The following MOCOS variants were observed in gnomAD, a reference collection of about 807,000 sequenced individuals.
MOCOS encodes molybdenum cofactor sulfurase, also known as human molybdenum cofactor sulfurase.
A neutral mutation model predicts 83.6 loss-of-function variants in MOCOS; 86 were observed. The ratio of observed to expected loss-of-function variants is 1.03; its 90% CI spans 0.86 to 1.23. MOCOS has a LOEUF of 1.23. MOCOS is among the 50% of genes most tolerant of loss of function. The pLI, the probability that MOCOS is intolerant of heterozygous loss-of-function variation, is 0.00. For synonymous variants in MOCOS, 445 were observed against 434.7 expected (o/e 1.02, Z -0.29); for missense variants, 1,120 against 1,126.9 (o/e 0.99, Z 0.09).
intron 11 of MOCOS, among the ~76,000 whole-genome samples, chr18:36,254,411 CACA>C (rs2091633301): frequency 6.7e-6 from 1 of 149,732 alleles, no homozygotes; most frequent in Non-Finnish European, 1.5e-5. Flanking sequence ...TTTTTTAAAC[CACA>C]ACAATTTGAA....
At chr18:36,216,370 G>A (rs112949856) in intron 8 of MOCOS, among the ~76,000 whole-genome samples, 2 of 152,286 alleles carry the variant, frequency 1.3e-5, no homozygotes, top group African/African-American at 4.8e-5. Flanking sequence ...TTGAGGTTAA[G>A]CACTTTGCCC....
Position 36,215,993 on chromosome 18 carries a change from G to C in MOCOS, c.1797+16G>C. The stretch of plus-strand genomic sequence containing the variant: ...TGCATTTGAGGTAAGGAATTTCACA[G>C]CAGCACAGAAAGTCTTCTCTTTGTT... On this transcript the variant is annotated intron_variant, in intron 8 of 14. Transcript: ENST00000261326. 1 of 1,602,794 alleles carries C rather than the reference G, an allele frequency of 6.2e-7. No individual in the cohort carries two copies. Among genetic ancestry groups the C allele is most frequent in the Non-Finnish European group, 8.5e-7 (1 of 1,173,728 alleles).
At chr18:36,240,421 G>A (rs2091576933) in intron 9 of MOCOS, among the ~76,000 whole-genome samples, 1 of 150,504 alleles carries the variant, frequency 6.6e-6, no homozygotes, top group Admixed American at 6.6e-5. Flanking sequence ...GCCCCTGCTG[G>A]GGGGTGCCTC....
chr18:36,250,118 A>G (rs1280452757), intron 10 of MOCOS, among the ~76,000 whole-genome samples: 1 of 152,196 alleles, frequency 6.6e-6, no homozygotes, highest in African/African-American at 2.4e-5. Flanking sequence ...ATCCTATCTT[A>G]AGCCCCAACC....
At position 36,187,656 on chromosome 18, in the gene MOCOS, G is replaced by A; in HGVS notation, c.117G>A (p.Arg39=). 1 of 1,256,618 alleles carries A rather than the reference G, an allele frequency of 8.0e-7. No homozygotes were observed. Among genetic ancestry groups the A allele is most frequent in the Non-Finnish European group, 1.0e-6 (1 of 1,000,702 alleles). The allele number at this position is 1,256,618 out of a possible 1,614,324, so 77.8% of individuals were successfully genotyped here. The change falls in exon 1 of 15, where the codon CGG becomes CGA. Residue 39 remains arginine (R), a synonymous_variant. Coordinates refer to ENST00000261326, the MANE Select transcript of MOCOS (RefSeq NM_017947.4). ...GYGPGSLREL[R]AREFSRLAGT... ...GCCCGGGCAGCCTGCGCGAGCTGCG[G>A]GCGCGCGAGTTCAGCCGCCTGGCAG...
chr18:36,203,208 C>T lies in MOCOS; in HGVS notation c.1018+19C>T, dbSNP rs1455269575. On this transcript the variant is annotated intron_variant, in intron 5 of 14. Coordinates refer to ENST00000261326, the MANE Select transcript of MOCOS (RefSeq NM_017947.4). ...CTCACAGGTCAGTGGACATTTCTAT[C>T]CCTGTGGAATTTGCTCCTGTTGTGT... 1 of 1,609,658 alleles carries T rather than the reference C, an allele frequency of 6.2e-7. No homozygotes were observed. Among genetic ancestry groups the T allele is most frequent in the Non-Finnish European group, 8.5e-7 (1 of 1,175,952 alleles).
In MOCOS at chr18:36,268,515, T is replaced by C. The variant is rs750198017; in HGVS notation, c.2515-18T>C. 5.0e-6 allele frequency: 8 copies of C among 1,614,048 alleles called. No individual in the cohort carries two copies. Among genetic ancestry groups the C allele is most frequent in the African/African-American group, 1.3e-5 (1 of 74,940 alleles). ...AATAATCTAGCCTTTTTTGTTGTTG[T>C]TGCTGTTTTGTTCACAGGTGAACTT... is the stretch of plus-strand genomic sequence containing the variant. On this transcript the variant is annotated intron_variant, in intron 14 of 14. Transcript: ENST00000261326.
At chr18:36,257,780 A>G (rs1453417290) in intron 12 of MOCOS, among the ~76,000 whole-genome samples, 5 of 152,188 alleles carry the variant, frequency 3.3e-5, no homozygotes, top group Non-Finnish European at 7.3e-5. Flanking sequence ...GAGTGTTGTT[A>G]GTGGCTCACC....
chr18:36,216,109 CT>C, intron 8 of MOCOS, 132 bp downstream of exon 8: 1 of 964,032 alleles, frequency 1.0e-6, no homozygotes, highest in Non-Finnish European at 1.5e-6. Flanking sequence ...GCCATTCTCA[CT>C]CTCCCTTTCT....
chr18:36,204,442 C>A (rs1245194144), intron 5 of MOCOS, among the ~76,000 whole-genome samples: 1 of 152,096 alleles, frequency 6.6e-6, no homozygotes, highest in South Asian at 2.1e-4. Context: ...ATAATAAAAA[C>A]AAACAGCAAA....
At chr18:36,243,323 C>T (rs527665051) in intron 9 of MOCOS, among the ~76,000 whole-genome samples, 6 of 152,136 alleles carry the variant, frequency 3.9e-5, no homozygotes, top group East Asian at 1.9e-4. Context: ...AATCATAAAG[C>T]GTTGCTGGAT....
chr18:36,243,971 TTC>T (rs2091593621), intron 9 of MOCOS, among the ~76,000 whole-genome samples: 1 of 152,156 alleles, frequency 6.6e-6, no homozygotes, highest in Non-Finnish European at 1.5e-5. Context: ...TATTGCCCAT[TTC>T]ATTTCTAATT....
intron 11 of MOCOS, among the ~76,000 whole-genome samples, chr18:36,254,023 G>A (rs888597649): frequency 6.6e-6 from 1 of 152,150 alleles, no homozygotes; most frequent in South Asian, 2.1e-4. Flanking sequence ...GGGAGATGGG[G>A]CCTTGGTGGA....
At chr18:36,198,818 A>C (rs1250067031) in intron 3 of MOCOS, 62 bp downstream of exon 3, 3 of 1,555,604 alleles carry the variant, frequency 1.9e-6, no homozygotes, top group Non-Finnish European at 2.7e-6. Context: ...CCTTCCTAGG[A>C]CTTGCCTGCA....
At chr18:36,188,967 C>T (rs983076246) in intron 1 of MOCOS, among the ~76,000 whole-genome samples, 1 of 151,976 alleles carries the variant, frequency 6.6e-6, no homozygotes, top group Non-Finnish European at 1.5e-5. Context: ...TTTCCTACCA[C>T]TCAGAAATAG....
intron 6 of MOCOS, among the ~76,000 whole-genome samples, chr18:36,207,436 T>C (rs2144908622): frequency 6.6e-6 from 1 of 152,344 alleles, no homozygotes; most frequent in East Asian, 1.9e-4. Context: ...AAGTGTTTTT[T>C]TTTATCCACA....
intron 1 of MOCOS, among the ~76,000 whole-genome samples, chr18:36,192,700 T>C (rs568875196): frequency 4.6e-5 from 7 of 152,242 alleles, no homozygotes; most frequent in African/African-American, 1.7e-4. Context: ...AAGACTGGAG[T>C]ACAGTGGTGC....
In MOCOS at chr18:36,187,605, C is replaced by A. The variant is rs113873219; in HGVS notation, c.66C>A (p.Ser22Arg). ...LWTFAGSRDPSAPRLAYGYGP... is the reference protein window; with the variant it reads ...LWTFAGSRDPRAPRLAYGYGP... ...CCTTCGCGGGTTCCCGGGACCCGAG[C>A]GCACCGCGGCTAGCCTACGGCTACG... The change falls in exon 1 of 15, where the codon AGC becomes AGA. Residue 22 changes from serine (S) to arginine (R), a missense_variant. By Grantham distance (110) the Ser-to-Arg change is moderately radical. Transcript: ENST00000261326. 0.086 allele frequency: 107,285 copies of A among 1,248,948 alleles called. 5,035 individuals carry two copies. Among genetic ancestry groups the A allele is most frequent in the Middle Eastern group, 0.11 (425 of 3,834 alleles). 77.4% of individuals were successfully genotyped at this position (1,248,948 alleles called of 1,614,324 possible).
rs1313094590 is a variant in MOCOS at position 36,215,710 on chromosome 18, C to A, written c.1530C>A (p.Ala510=). 1 of 1,614,052 alleles carries A rather than the reference C, an allele frequency of 6.2e-7. No homozygotes were observed. Among genetic ancestry groups the A allele is most frequent in the African/African-American group, 1.3e-5 (1 of 74,924 alleles). ...ATGCTGACACCGGGGAGACTGGAGC[C>A]CCATCAGCAGACAGCCAGGCTGATG... ...QAHADTGETG[A]PSADSQADVI... The change falls in exon 8 of 15, where the codon GCC becomes GCA. Residue 510 remains alanine (A), a synonymous_variant. Coordinates refer to ENST00000261326, the MANE Select transcript of MOCOS (RefSeq NM_017947.4).
Sources: gnomAD v4.1 joint callset for allele counts (sites outside exome capture counted in the v4.1 genomes callset) on GRCh38, gnomAD v4.1.1 for gene constraint, MANE v1.5 for transcripts, NCBI Gene and HGNC (gene_info 2026-07-23, HGNC 2026-07-21) for gene names.